Variants in EYS observed in about 807,000 individuals in gnomAD.
EYS encodes the protein protein eyes shut homolog.
In EYS, 250 loss-of-function variants were observed where a neutral mutation model predicts 282.1. The observed-to-expected ratio is 0.89, with a 90% CI of 0.80 to 0.98. The LOEUF is 0.98. EYS is among the 50% of genes least tolerant of loss of function. The pLI is 0.00. For missense variants in EYS, 4,016 were observed against 3,709.0 expected (o/e 1.08, Z -2.15); for synonymous variants, 1,355 against 1,282.9 (o/e 1.06, Z -1.20).
intron 22 of EYS, among the ~76,000 whole-genome samples, chr6:64,634,055 C>G (rs1477396470): frequency 6.6e-6 from 1 of 152,172 alleles, no homozygotes; most frequent in Admixed American, 6.5e-5. Context: ...GTGATCTCAA[C>G]TCACTTCAAC....
chr6:63,919,990 AAACAAT>A (rs1285339733), intron 35 of EYS, among the ~76,000 whole-genome samples: 1 of 152,190 alleles, frequency 6.6e-6, no homozygotes, highest in African/African-American at 2.4e-5. Context: ...CTCCTCTGGC[AAACAAT>A]AACTTGTATC....
chr6:64,191,940 C>T (rs1277429285), intron 31 of EYS, among the ~76,000 whole-genome samples: 2 of 147,956 alleles, frequency 1.4e-5, no homozygotes, highest in African/African-American at 5.0e-5. Context: ...TTTACAGTCC[C>T]ACCAACAGTG....
At chr6:63,847,051 A>G (rs1275278963) in intron 36 of EYS, among the ~76,000 whole-genome samples, 3 of 152,208 alleles carry the variant, frequency 2.0e-5, no homozygotes, top group African/African-American at 4.8e-5. Context: ...GATAACATTA[A>G]ATAATTCATA....
intron 35 of EYS, among the ~76,000 whole-genome samples, chr6:63,908,634 AGAGATGG>A (rs890002387): frequency 3.9e-5 from 6 of 152,112 alleles, no homozygotes; most frequent in Non-Finnish European, 5.9e-5. Context: ...TAATTTTAGT[AGAGATGG>A]GGTTTCACAA....
chr6:65,049,351 A>G (rs946854885), intron 13 of EYS, among the ~76,000 whole-genome samples: 5 of 151,656 alleles, frequency 3.3e-5, no homozygotes, highest in African/African-American at 4.8e-5. Context: ...TCTGCTCCCT[A>G]TTTTATTTAA....
rs115026842 is a variant in EYS, at chr6:64,702,768, C to T, written c.3444-76523G>A. Among the ~76,000 whole-genome samples the T allele has an allele frequency of 5.4e-3, 817 of 152,218 alleles. 3 individuals carry two copies. Among genetic ancestry groups the T allele is most frequent in the Non-Finnish European group, 9.2e-3 (624 of 67,980 alleles). On this transcript the variant is annotated intron_variant, in intron 22 of 42. Transcript: ENST00000503581. Reference sequence around the variant, plus strand: ...ACTTAATGCTATACTCTGTACTATGCACTGTGAATACAGACATAAATATTT... The same window carrying T: ...ACTTAATGCTATACTCTGTACTATGTACTGTGAATACAGACATAAATATTT...
intron 31 of EYS, among the ~76,000 whole-genome samples, chr6:64,177,554 C>T (rs1048920612): frequency 1.3e-5 from 2 of 151,696 alleles, no homozygotes; most frequent in African/African-American, 4.8e-5. Context: ...CTAGGAAGTC[C>T]GTTTAATTTA....
intron 22 of EYS, among the ~76,000 whole-genome samples, chr6:64,708,139 C>T (rs551585634): frequency 2.0e-5 from 3 of 152,234 alleles, no homozygotes; most frequent in East Asian, 1.9e-4. Flanking sequence ...GTGAGTAACA[C>T]GTATGCAGGC....
At chr6:65,663,837 C>T (rs1195040977) in intron 1 of EYS, among the ~76,000 whole-genome samples, 4 of 150,356 alleles carry the variant, frequency 2.7e-5, no homozygotes, top group Non-Finnish European at 4.4e-5. Context: ...CCCGCCACCA[C>T]GCCCAGCTAA....
chr6:63,929,731 T>C (rs1764830089), intron 35 of EYS, among the ~76,000 whole-genome samples: 1 of 152,180 alleles, frequency 6.6e-6, no homozygotes, highest in African/African-American at 2.4e-5. Context: ...TAATGAAACA[T>C]AGCAGTCCTC....
intron 12 of EYS, among the ~76,000 whole-genome samples, chr6:65,125,477 G>T (rs1775693223): frequency 6.6e-6 from 1 of 152,156 alleles, no homozygotes. Flanking sequence ...ATCAATGACA[G>T]AAATTTTTAA....
intron 5 of EYS, among the ~76,000 whole-genome samples, chr6:65,443,634 G>T (rs2351258): frequency 0.18 from 27,878 of 151,026 alleles, 3,197 homozygotes; most frequent in Middle Eastern, 0.29. Flanking sequence ...AACATGTGTA[G>T]AGGCACATAT....
At chr6:64,462,162 A>T (rs1020324580) in intron 26 of EYS, among the ~76,000 whole-genome samples, 10 of 152,212 alleles carry the variant, frequency 6.6e-5, no homozygotes, top group African/African-American at 2.2e-4. Flanking sequence ...CCTACTTCAC[A>T]ATTTTATTGA....
chr6:64,546,750 CA>C (rs1444724951), intron 26 of EYS, among the ~76,000 whole-genome samples: 7 of 152,178 alleles, frequency 4.6e-5, no homozygotes, highest in African/African-American at 1.7e-4. Flanking sequence ...GACATTTATG[CA>C]GCCAAAAGAC....
intron 13 of EYS, among the ~76,000 whole-genome samples, chr6:65,027,617 G>T (rs1772460918): frequency 6.6e-6 from 1 of 152,234 alleles, no homozygotes; most frequent in African/African-American, 2.4e-5. Flanking sequence ...CTGATATTTA[G>T]CTCTACATTT....
At chr6:65,281,604 T>G (rs544859448) in intron 12 of EYS, among the ~76,000 whole-genome samples, 12 of 152,302 alleles carry the variant, frequency 7.9e-5, no homozygotes, top group African/African-American at 2.6e-4. Context: ...GTAATCATTC[T>G]TGCATATGTC....
chr6:64,535,300 T>C (rs1010959212), intron 26 of EYS, among the ~76,000 whole-genome samples: 1 of 152,194 alleles, frequency 6.6e-6, no homozygotes, highest in Non-Finnish European at 1.5e-5. Flanking sequence ...CTGATTAATA[T>C]ACTCCTGAAA....
At chr6:65,405,423 T>G in intron 5 of EYS, 56 bp from the exon 6 acceptor site, 7 of 1,369,214 alleles carry the variant, frequency 5.1e-6, no homozygotes, top group South Asian at 1.2e-5. Context: ...AAAGAAGAAA[T>G]GAGCATAGAT....
chr6:65,044,696 A>G (rs1773047115), intron 13 of EYS, among the ~76,000 whole-genome samples: 1 of 151,860 alleles, frequency 6.6e-6, no homozygotes, highest in Admixed American at 6.6e-5. Context: ...AGCAGCCACA[A>G]CCACTCAGCT....
Sources: allele counts gnomAD v4.1 joint callset (sites outside exome capture counted in the v4.1 genomes callset), GRCh38; gene constraint gnomAD v4.1.1; transcripts MANE v1.5; gene names NCBI Gene and HGNC (gene_info 2026-07-23, HGNC 2026-07-21).